The following SGCZ variants were observed in gnomAD, a reference collection of about 807,000 sequenced individuals.
The protein encoded by SGCZ is zeta-sarcoglycan.
Under a neutral mutation model 41.3 loss-of-function variants are expected in SGCZ, and 40 were observed. The observed-to-expected ratio is 0.97, with a 90% CI of 0.75 to 1.26. The LOEUF (loss-of-function observed/expected upper bound fraction) is 1.26. Ranked by LOEUF, SGCZ falls within the 50% of genes most tolerant of loss-of-function variation. The pLI, the probability that SGCZ is intolerant of heterozygous loss-of-function variation, is 0.00. For missense variants in SGCZ, 552 were observed against 369.8 expected (o/e 1.49, Z -4.04); for synonymous variants, 206 against 137.5 (o/e 1.50, Z -3.49).
chr8:14,954,280 A>T (rs1326047350), intron 1 of SGCZ, among the ~76,000 whole-genome samples: 1 of 152,160 alleles, frequency 6.6e-6, no homozygotes, highest in Non-Finnish European at 1.5e-5. Flanking sequence ...AAGGTTTATA[A>T]GTACAAAATA....
intron 2 of SGCZ, among the ~76,000 whole-genome samples, chr8:14,361,762 T>G (rs1238121146): frequency 6.6e-6 from 1 of 152,154 alleles, no homozygotes; most frequent in Admixed American, 6.6e-5. Context: ...GAAGAGGCAT[T>G]CCGGTTTTTG....
intron 2 of SGCZ, among the ~76,000 whole-genome samples, chr8:14,386,044 T>G (rs1804562890): frequency 6.6e-6 from 1 of 152,188 alleles, no homozygotes; most frequent in Non-Finnish European, 1.5e-5. Context: ...TATTGTTTAT[T>G]GTGGGGTTTT....
intron 5 of SGCZ, among the ~76,000 whole-genome samples, chr8:14,112,644 C>T (rs1186767185): frequency 1.3e-5 from 2 of 152,032 alleles, no homozygotes; most frequent in Admixed American, 1.3e-4. Context: ...ATAGACTTGT[C>T]TTATTCCCAG....
chr8:14,085,705 T>C lies in SGCZ; in HGVS notation c.*4738A>G, dbSNP rs1342566535. Among the ~76,000 whole-genome samples, 1 of 151,756 alleles carries C rather than the reference T, an allele frequency of 6.6e-6. No individual in the cohort carries two copies. Among genetic ancestry groups the C allele is most frequent in the African/African-American group, 2.4e-5 (1 of 41,402 alleles). On this transcript the variant is annotated 3_prime_UTR_variant, in exon 8 of 8. Transcript: ENST00000382080. ...GGTCTTTGCATATAGGTTTTATGAA[T>C]ACCAAGGAGTTTGTTATGCATGTAT...
At chr8:14,799,343 C>A (rs1441936) in intron 1 of SGCZ, among the ~76,000 whole-genome samples, 2 of 151,948 alleles carry the variant, frequency 1.3e-5, no homozygotes, top group Non-Finnish European at 2.9e-5. Flanking sequence ...AAAAATCAAC[C>A]CTTTAAATAA....
At chr8:15,102,742 T>TTG (rs1400731111) in intron 1 of SGCZ, among the ~76,000 whole-genome samples, 1 of 152,178 alleles carries the variant, frequency 6.6e-6, no homozygotes, top group Non-Finnish European at 1.5e-5. Flanking sequence ...AGGCACCAAT[T>TTG]TGTGTATGGA....
At chr8:14,958,377 T>A (rs554355899) in intron 1 of SGCZ, among the ~76,000 whole-genome samples, 109 of 152,188 alleles carry the variant, frequency 7.2e-4, no homozygotes, top group African/African-American at 2.6e-3. Flanking sequence ...TGTGGTATGT[T>A]CATACAATGG....
intron 1 of SGCZ, among the ~76,000 whole-genome samples, chr8:15,101,889 C>T (rs1280757408): frequency 6.6e-6 from 1 of 152,138 alleles, no homozygotes; most frequent in Non-Finnish European, 1.5e-5. Context: ...TGTGACACTG[C>T]ACTCCAGCCT....
chr8:14,544,934 C>A (rs952284521), intron 2 of SGCZ, among the ~76,000 whole-genome samples: 3 of 152,082 alleles, frequency 2.0e-5, no homozygotes, highest in Non-Finnish European at 4.4e-5. Context: ...CCCTTTGAAG[C>A]ATGTGATCTT....
At chr8:15,232,848 A>G (rs1465734437) in intron 1 of SGCZ, among the ~76,000 whole-genome samples, 1 of 150,460 alleles carries the variant, frequency 6.6e-6, no homozygotes, top group Non-Finnish European at 1.5e-5. Context: ...TACATTTCAA[A>G]TGTCTCAGCA....
At chr8:14,438,129 C>A (rs1452599518) in intron 2 of SGCZ, among the ~76,000 whole-genome samples, 1 of 151,860 alleles carries the variant, frequency 6.6e-6, no homozygotes, top group Non-Finnish European at 1.5e-5. Context: ...ACCAAAGATT[C>A]TAAAGGAACA....
intron 1 of SGCZ, among the ~76,000 whole-genome samples, chr8:14,721,260 G>T (rs1439662728): frequency 6.6e-6 from 1 of 152,114 alleles, no homozygotes; most frequent in Non-Finnish European, 1.5e-5. Flanking sequence ...AAACTGAAAA[G>T]CCATGCATTT....
chr8:14,780,100 G>A (rs1436667997), intron 1 of SGCZ, among the ~76,000 whole-genome samples: 7 of 152,134 alleles, frequency 4.6e-5, no homozygotes, highest in East Asian at 3.9e-4. Context: ...ACGGCCGGGC[G>A]CAGTGGCTCA....
intron 4 of SGCZ, among the ~76,000 whole-genome samples, chr8:14,180,374 G>A (rs140922107): frequency 9.7e-4 from 147 of 152,184 alleles, no homozygotes; most frequent in African/African-American, 3.4e-3. Context: ...TGCGGGGAGG[G>A]GGCCAGCATG....
chr8:14,689,948 A>T (rs1808744505), intron 1 of SGCZ, among the ~76,000 whole-genome samples: 1 of 152,202 alleles, frequency 6.6e-6, no homozygotes, highest in African/African-American at 2.4e-5. Context: ...TAGTCAAAAA[A>T]GTTATGTGAT....
At chr8:15,072,845 A>G (rs75005024) in intron 1 of SGCZ, among the ~76,000 whole-genome samples, 3,845 of 152,238 alleles carry the variant, frequency 0.025, 168 homozygotes, top group African/African-American at 0.088. Context: ...CCAAATGCAA[A>G]ACTGATTTCT....
At chr8:14,940,398 G>A (rs1254170579) in intron 1 of SGCZ, among the ~76,000 whole-genome samples, 2 of 152,032 alleles carry the variant, frequency 1.3e-5, no homozygotes, top group Admixed American at 6.6e-5. Flanking sequence ...ACTTATATAA[G>A]TTTATTGATT....
chr8:14,222,969 AC>A (rs1806253877), intron 4 of SGCZ, among the ~76,000 whole-genome samples: 1 of 151,382 alleles, frequency 6.6e-6, no homozygotes, highest in South Asian at 2.1e-4. Context: ...GTACCACCAC[AC>A]CCAGCTAATT....
At chr8:14,394,143 CTTTTTT>C (rs75054512) in intron 2 of SGCZ, among the ~76,000 whole-genome samples, 6 of 117,420 alleles carry the variant, frequency 5.1e-5, no homozygotes, top group African/African-American at 1.2e-4. Flanking sequence ...CGCCCCCCAC[CTTTTTT>C]TTTTTTTTTT....
Sources: allele counts gnomAD v4.1 joint callset (sites outside exome capture counted in the v4.1 genomes callset), GRCh38; gene constraint gnomAD v4.1.1; transcripts MANE v1.5; gene names NCBI Gene and HGNC (gene_info 2026-07-23, HGNC 2026-07-21).